SCAMP1: variants seen among roughly 807,000 people sequenced by gnomAD.
SCAMP1 encodes secretory carrier membrane protein 1.
SCAMP1 carries 15 observed loss-of-function variants against 41.8 expected under a neutral mutation model. The observed-to-expected ratio is 0.36, with a 90% CI of 0.24 to 0.55. The LOEUF (loss-of-function observed/expected upper bound fraction) is 0.55. Among genes scored for constraint, SCAMP1 ranks in the 20% least tolerant of loss-of-function variants. The pLI is 0.86. For synonymous variants in SCAMP1, 135 were observed against 136.8 expected (o/e 0.99, Z 0.09); for missense variants, 341 against 412.6 (o/e 0.83, Z 1.50).
At chr5:78,473,761 A>G (rs1173890574) in intron 8 of SCAMP1, among the ~76,000 whole-genome samples, 2 of 152,144 alleles carry the variant, frequency 1.3e-5, no homozygotes, top group Non-Finnish European at 1.5e-5. Flanking sequence ...ATTAGGTTAT[A>G]TACTTGATTT....
At chr5:78,419,279 T>C (rs1218105597) in intron 5 of SCAMP1, among the ~76,000 whole-genome samples, 1 of 152,230 alleles carries the variant, frequency 6.6e-6, no homozygotes, top group East Asian at 1.9e-4. Context: ...AAAAGAATTC[T>C]GTTAAATGTA....
chr5:78,458,663 C>G (rs767503971), intron 7 of SCAMP1, among the ~76,000 whole-genome samples: 1 of 152,120 alleles, frequency 6.6e-6, no homozygotes, highest in African/African-American at 2.4e-5. Flanking sequence ...AGGTGGATCA[C>G]GAGGTCAGGA....
chr5:78,386,084 C>G (rs1751333239), intron 1 of SCAMP1, among the ~76,000 whole-genome samples: 1 of 152,032 alleles, frequency 6.6e-6, no homozygotes, highest in Admixed American at 6.6e-5. Flanking sequence ...GTGTTGCTGT[C>G]TATCTCATTT....
At chr5:78,439,923 C>G (rs1030778781) in intron 6 of SCAMP1, among the ~76,000 whole-genome samples, 1 of 152,170 alleles carries the variant, frequency 6.6e-6, no homozygotes, top group Non-Finnish European at 1.5e-5. Flanking sequence ...TCTTTTTACT[C>G]TTTTTTCTCC....
chr5:78,391,357 C>T (rs4379172), intron 2 of SCAMP1, among the ~76,000 whole-genome samples: 75,783 of 124,874 alleles, frequency 0.61, 22,353 homozygotes, highest in Admixed American at 0.68. Flanking sequence ...TAGGGGCGGC[C>T]GGGCAGAGGC....
chr5:78,463,755 T>C (rs1753673049), intron 8 of SCAMP1, among the ~76,000 whole-genome samples: 1 of 152,180 alleles, frequency 6.6e-6, no homozygotes, highest in Non-Finnish European at 1.5e-5. Context: ...GAAAGTATTC[T>C]AAAATTAGGT....
At chr5:78,404,539 C>T (rs2115433) in intron 2 of SCAMP1, among the ~76,000 whole-genome samples, 113,942 of 149,510 alleles carry the variant, frequency 0.76, 43,896 homozygotes, top group African/African-American at 0.84. Context: ...TGTGTGGTGG[C>T]AAGGTGTTCA....
chr5:78,402,221 G>T (rs12110225), intron 2 of SCAMP1, among the ~76,000 whole-genome samples: 2 of 150,406 alleles, frequency 1.3e-5, no homozygotes, highest in South Asian at 4.2e-4. Context: ...ATTTGTTAAG[G>T]TGTTTTTTAT....
chr5:78,416,614 G>T lies in SCAMP1; in HGVS notation c.308G>T (p.Arg103Leu). Residue 103 changes from arginine (R) to leucine (L), a missense_variant, in exon 4 of 9, where the codon CGT becomes CTT. Transcript: ENST00000621999. ...ELERKAAELD[R>L]REREMQNLSQ... Reference sequence around the variant, plus strand: ...GAAAGAAAAGCCGCAGAATTAGATCGTCGGGAACGAGAAATGCAAAACCTC... The same window carrying T: ...GAAAGAAAAGCCGCAGAATTAGATCTTCGGGAACGAGAAATGCAAAACCTC... 1 of 1,595,270 alleles carries T rather than the reference G, an allele frequency of 6.3e-7. No homozygotes were observed. The highest frequency in any genetic ancestry group is 8.5e-7 in the Non-Finnish European group (1 of 1,170,540).
chr5:78,396,646 A>G (rs1221998395), intron 2 of SCAMP1, among the ~76,000 whole-genome samples: 1 of 152,184 alleles, frequency 6.6e-6, no homozygotes, highest in Non-Finnish European at 1.5e-5. Context: ...TTTAATCATC[A>G]ATTGAGTGAA....
intron 1 of SCAMP1, among the ~76,000 whole-genome samples, chr5:78,378,210 A>C (rs1046744451): frequency 3.3e-5 from 5 of 152,204 alleles, no homozygotes; most frequent in African/African-American, 1.2e-4. Context: ...ATATCATAGT[A>C]AGTGTATATA....
chr5:78,453,505 G>A (rs1451620371), intron 7 of SCAMP1, among the ~76,000 whole-genome samples: 2 of 151,904 alleles, frequency 1.3e-5, no homozygotes, highest in African/African-American at 4.8e-5. Context: ...TAGATGTGTG[G>A]CGTTATTTCT....
intron 8 of SCAMP1, among the ~76,000 whole-genome samples, chr5:78,469,913 C>CAA (rs1561290939): frequency 1.7e-4 from 4 of 23,216 alleles, no homozygotes; most frequent in Non-Finnish European, 3.0e-4. Flanking sequence ...AAAAAAAAAA[C>CAA]AAAAAAAAAA....
At chr5:78,449,359 A>C (rs549538415) in intron 6 of SCAMP1, among the ~76,000 whole-genome samples, 1 of 152,202 alleles carries the variant, frequency 6.6e-6, no homozygotes, top group South Asian at 2.1e-4. Flanking sequence ...TGAATCTCAG[A>C]ATAGCTGTGC....
intron 6 of SCAMP1, 138 bp from the exon 7 acceptor site, chr5:78,449,795 A>T: frequency 1.8e-6 from 1 of 546,168 alleles, no homozygotes; most frequent in African/African-American, 2.0e-5. Context: ...GGTGGTTGCC[A>T]CTTTTTTTTG....
At chr5:78,445,825 T>G (rs1753039256) in intron 6 of SCAMP1, among the ~76,000 whole-genome samples, 1 of 152,206 alleles carries the variant, frequency 6.6e-6, no homozygotes, top group African/African-American at 2.4e-5. Context: ...GCATTTGCAG[T>G]AATTTGGACA....
In SCAMP1 at chr5:78,479,778, C is replaced by T. The variant is rs993152915; in HGVS notation, c.*4110C>T. ...AGGATTTTGGCCAGGTGTGGTGGCT[C>T]ACGCCTGTAATCCCAGCACTTTGGG... is the stretch of plus-strand genomic sequence containing the variant. On this transcript the variant is annotated 3_prime_UTR_variant, in exon 9 of 9. Transcript: ENST00000621999. 4.6e-5 allele frequency among the ~76,000 whole-genome samples: 7 copies of T among 152,220 alleles called. No homozygotes were observed. The highest frequency in any genetic ancestry group is 2.1e-4 in the South Asian group (1 of 4,826).
chr5:78,464,235 C>T (rs931562074), intron 8 of SCAMP1, among the ~76,000 whole-genome samples: 1 of 152,114 alleles, frequency 6.6e-6, no homozygotes, highest in Admixed American at 6.5e-5. Context: ...CCTCCAACTC[C>T]CTGGTTCAAG....
intron 6 of SCAMP1, among the ~76,000 whole-genome samples, chr5:78,440,943 C>T (rs757048322): frequency 2.6e-5 from 4 of 152,218 alleles, no homozygotes; most frequent in Admixed American, 6.5e-5. Context: ...TGCCACCTTG[C>T]AGTTCGATCT....
Sources: allele counts gnomAD v4.1 joint callset (sites outside exome capture counted in the v4.1 genomes callset), GRCh38; gene constraint gnomAD v4.1.1; transcripts MANE v1.5; gene names NCBI Gene and HGNC (gene_info 2026-07-23, HGNC 2026-07-21).